The following U2SURP variants were observed in gnomAD, a reference collection of about 807,000 sequenced individuals.
The protein encoded by U2SURP is U2 snRNP associated SURP domain containing, also known as U2 snRNP-associated SURP motif-containing protein.
In U2SURP, 9 loss-of-function variants were observed where a neutral mutation model predicts 144.9. That is an observed-to-expected ratio of 0.06 (90% confidence interval 0.04 to 0.11). The LOEUF (loss-of-function observed/expected upper bound fraction) is 0.11, where lower values mean the gene tolerates loss of function less well. U2SURP is among the 10% of genes least tolerant of loss of function. The pLI is 1.00. For missense variants in U2SURP, 724 were observed against 1,226.7 expected (o/e 0.59, Z 6.12); for synonymous variants, 408 against 396.8 (o/e 1.03, Z -0.33).
rs928918312 is a variant in U2SURP at position 143,004,197 on chromosome 3, T to A, written c.45+2524T>A. ...TTTCATGATTCGTCGTTTTCTTTGG[T>A]AGTTACATTCCCGTTAATATGGATA... On this transcript the variant is annotated intron_variant, in intron 1 of 27. Coordinates refer to ENST00000473835, the MANE Select transcript of U2SURP (RefSeq NM_001080415.2). Among the ~76,000 whole-genome samples the A allele has an allele frequency of 2.6e-5, 4 of 152,118 alleles. No individual in the cohort carries two copies. In the South Asian group the frequency reaches 8.3e-4, roughly 32 times the overall value.
Position 143,010,687 on chromosome 3 carries a change from G to A in U2SURP, c.46-128G>A, listed in dbSNP as rs1667515664. The A allele has an allele frequency of 5.7e-6, 3 of 528,008 alleles. 1 individual carries two copies. In the African/African-American group the frequency reaches 5.8e-5, roughly 10 times the overall value. 32.7% of individuals were successfully genotyped at this position (528,008 alleles called of 1,614,324 possible). On this transcript the variant is annotated intron_variant, in intron 1 of 27. Coordinates refer to ENST00000473835, the MANE Select transcript of U2SURP (RefSeq NM_001080415.2). ...TTTTCATAAGTCAGAGACTGCCTTT[G>A]CTCAGTTTTATTAGCTGAGGAGAAA...
In U2SURP at chr3:143,005,798, C is replaced by A. The variant is rs58047269; in HGVS notation, c.45+4125C>A. Among the ~76,000 whole-genome samples the A allele has an allele frequency of 6.4e-3, 975 of 151,322 alleles. 9 individuals carry two copies. The highest frequency in any genetic ancestry group is 0.022 in the African/African-American group (925 of 41,258). ...ACTGGGTATCATTGAGAGAAGAGCT[C>A]ATTTAGTATGCCGGTTGAAGTATCT... On this transcript the variant is annotated intron_variant, in intron 1 of 27. Transcript: ENST00000473835.
intron 4 of U2SURP, among the ~76,000 whole-genome samples, chr3:143,014,746 T>C (rs1242362626): frequency 6.6e-6 from 1 of 152,106 alleles, no homozygotes; most frequent in Non-Finnish European, 1.5e-5. Flanking sequence ...CCTACTTGCT[T>C]TTTTAACTTA....
intron 24 of U2SURP, among the ~76,000 whole-genome samples, chr3:143,044,830 G>A (rs918018752): frequency 1.3e-5 from 2 of 152,154 alleles, no homozygotes; most frequent in African/African-American, 4.8e-5. Flanking sequence ...CTCTTTGTCA[G>A]ACATCACCAA....
At chr3:143,016,395 T>C in intron 5 of U2SURP, 24 bp downstream of exon 5, 1 of 1,586,462 alleles carries the variant, frequency 6.3e-7, no homozygotes, top group East Asian at 2.2e-5. Flanking sequence ...GTATAACTGC[T>C]AATAAAGCAT....
intron 27 of U2SURP, among the ~76,000 whole-genome samples, chr3:143,055,427 A>AT (rs1466911246): frequency 1.3e-5 from 2 of 152,108 alleles, no homozygotes; most frequent in Admixed American, 6.5e-5. Context: ...ATAGAATATT[A>AT]TTTGATTTTT....
intron 25 of U2SURP, among the ~76,000 whole-genome samples, chr3:143,052,253 G>A (rs1934912952): frequency 1.3e-5 from 2 of 152,126 alleles, no homozygotes; most frequent in Admixed American, 6.5e-5. Flanking sequence ...AATTATCTGG[G>A]TGTGGTGGCA....
chr3:143,033,068 C>A, intron 17 of U2SURP, 122 bp downstream of exon 17: 1 of 1,184,150 alleles, frequency 8.4e-7, no homozygotes, highest in Non-Finnish European at 1.2e-6. Flanking sequence ...TATGTTATTT[C>A]TGCTTGGAAA....
At chr3:143,021,694 G>A in intron 10 of U2SURP, 139 bp downstream of exon 10, 1 of 766,854 alleles carries the variant, frequency 1.3e-6, no homozygotes, top group Non-Finnish European at 2.1e-6. Context: ...TTACTGGTAT[G>A]GCCCAGGTTG....
In U2SURP at chr3:143,047,855, C is replaced by T. The variant is rs540794982; in HGVS notation, c.2545-3084C>T. 4.0e-3 allele frequency among the ~76,000 whole-genome samples: 361 copies of T among 90,628 alleles called. 9 individuals carry two copies. Among genetic ancestry groups the T allele is most frequent in the African/African-American group, 0.015 (347 of 22,644 alleles). The allele number at this position is 90,628 out of a possible 152,430, so 59.5% of individuals were successfully genotyped here. ...GCAGAGGAGCCCCTCACCTCCCGGACGGGGCGGCTGGCCGGGCGGGGGGCT... is the reference window on the plus strand; with the variant it reads ...GCAGAGGAGCCCCTCACCTCCCGGATGGGGCGGCTGGCCGGGCGGGGGGCT... On this transcript the variant is annotated intron_variant, in intron 24 of 27. Transcript: ENST00000473835.
At chr3:143,032,296 C>T (rs547161560) in intron 16 of U2SURP, among the ~76,000 whole-genome samples, 1 of 152,278 alleles carries the variant, frequency 6.6e-6, no homozygotes, top group Non-Finnish European at 1.5e-5. Context: ...TGGTCTTGAT[C>T]TCTTGACCTT....
In U2SURP at chr3:143,060,310, A is replaced by G. The variant is rs933407567; in HGVS notation, c.*3860A>G. 11 of 152,084 alleles carry G rather than the reference A, an allele frequency of 7.2e-5. No individual in the cohort carries two copies. Among genetic ancestry groups the G allele is most frequent in the Non-Finnish European group, 1.5e-5 (1 of 67,872 alleles). The allele number at this position is 152,084 out of a possible 1,614,324, so 9.4% of individuals were successfully genotyped here. A position where few individuals can be genotyped will look rare whatever the true frequency, so the allele number is the denominator to read the frequency against. ...GTCAGAAATGAGAATAATATAGTTG[A>G]AATCAGTTGGGCTAAAATATTCTAC... On this transcript the variant is annotated 3_prime_UTR_variant, in exon 28 of 28. Coordinates refer to ENST00000473835, the MANE Select transcript of U2SURP (RefSeq NM_001080415.2).
intron 16 of U2SURP, among the ~76,000 whole-genome samples, chr3:143,030,680 G>A (rs775659962): frequency 6.6e-6 from 1 of 152,126 alleles, no homozygotes; most frequent in Non-Finnish European, 1.5e-5. Context: ...GCCATAGATA[G>A]TGATTCCTCC....
intron 20 of U2SURP, among the ~76,000 whole-genome samples, chr3:143,036,409 T>G (rs1478829965): frequency 1.3e-5 from 2 of 152,224 alleles, no homozygotes; most frequent in African/African-American, 4.8e-5. Flanking sequence ...ATAGCATGAC[T>G]TTATTTTGTT....
At chr3:143,007,572 G>T (rs568892370) in intron 1 of U2SURP, among the ~76,000 whole-genome samples, 42 of 151,644 alleles carry the variant, frequency 2.8e-4, no homozygotes, top group African/African-American at 9.9e-4. Context: ...CTCCCGAGTA[G>T]CTGGGACTAC....
chr3:143,016,179 TATTCCTTGA>T, intron 4 of U2SURP, 69 bp from the exon 5 acceptor site: 1 of 1,303,622 alleles, frequency 7.7e-7, no homozygotes, highest in Middle Eastern at 1.9e-4. Context: ...TCGTCCATAT[TATTCCTTGA>T]TGAATTTAGC....
chr3:143,033,427 G>A, intron 18 of U2SURP, 77 bp downstream of exon 18: 1 of 769,470 alleles, frequency 1.3e-6, no homozygotes, highest in East Asian at 2.8e-5. Context: ...GGATTGTTTT[G>A]TTAACATCCT....
At chr3:143,036,151 G>A in intron 20 of U2SURP, 47 bp downstream of exon 20, 2 of 1,538,326 alleles carry the variant, frequency 1.3e-6, no homozygotes, top group South Asian at 1.3e-5. Context: ...TCGTTTCTGG[G>A]GTGGAGGTTT....
intron 24 of U2SURP, among the ~76,000 whole-genome samples, chr3:143,050,466 T>G (rs897157550): frequency 6.6e-6 from 1 of 152,238 alleles, no homozygotes; most frequent in Non-Finnish European, 1.5e-5. Context: ...ATCTGGTGAT[T>G]GCACTGTGAG....
Sources: allele counts gnomAD v4.1 joint callset (sites outside exome capture counted in the v4.1 genomes callset), GRCh38; gene constraint gnomAD v4.1.1; transcripts MANE v1.5; gene names NCBI Gene and HGNC (gene_info 2026-07-23, HGNC 2026-07-21).